PIK3CB: variants seen among roughly 807,000 people sequenced by gnomAD.
PIK3CB encodes phosphatidylinositol 4,5-bisphosphate 3-kinase catalytic subunit beta isoform.
A neutral mutation model predicts 136.8 loss-of-function variants in PIK3CB; 39 were observed. That is an observed-to-expected ratio of 0.29 (90% confidence interval 0.22 to 0.37). PIK3CB has a LOEUF of 0.37. Among genes scored for constraint, PIK3CB ranks in the 10% least tolerant of loss-of-function variants. The pLI is 1.00. For missense variants in PIK3CB, 868 were observed against 1,275.4 expected, an observed-to-expected ratio of 0.68 and a Z score of 4.87; for synonymous variants, 428 against 436.6, an observed-to-expected ratio of 0.98 and a Z score of 0.25.
intron 17 of PIK3CB, 76 bp downstream of exon 17, chr3:138,684,549 C>A: frequency 9.6e-7 from 1 of 1,046,604 alleles, no homozygotes; most frequent in South Asian, 2.0e-5. Flanking sequence ...GACAGCTGGC[C>A]CTACTACTCC....
intron 1 of PIK3CB, among the ~76,000 whole-genome samples, chr3:138,798,887 C>T (rs751513872): frequency 1.2e-4 from 18 of 151,910 alleles, no homozygotes; most frequent in Non-Finnish European, 2.5e-4. Flanking sequence ...GGGTCCGGGT[C>T]AACTTTTTCT....
intron 21 of PIK3CB, among the ~76,000 whole-genome samples, chr3:138,658,662 G>A (rs1236620133): frequency 6.6e-6 from 1 of 152,036 alleles, no homozygotes; most frequent in Non-Finnish European, 1.5e-5. Flanking sequence ...GTACTTTTAT[G>A]CTAACATAAT....
intron 6 of PIK3CB, 37 bp from the exon 7 acceptor site, chr3:138,734,841 T>C (rs762469789): frequency 3.5e-6 from 5 of 1,421,324 alleles, no homozygotes; most frequent in African/African-American, 2.9e-5. Flanking sequence ...TTGATTTTCA[T>C]GCCAACACCT....
chr3:138,827,652 C>G (rs1447805466), intron 1 of PIK3CB, among the ~76,000 whole-genome samples: 1 of 151,810 alleles, frequency 6.6e-6, no homozygotes, highest in Non-Finnish European at 1.5e-5. Context: ...GCACTCCAGC[C>G]TGGGTGACAG....
At chr3:138,738,947 C>T (rs1446102389) in intron 5 of PIK3CB, among the ~76,000 whole-genome samples, 1 of 152,158 alleles carries the variant, frequency 6.6e-6, no homozygotes, top group Non-Finnish European at 1.5e-5. Flanking sequence ...TACTATTTCA[C>T]ATCTATTTTT....
Position 138,684,636 on chromosome 3 carries a change from G to A in PIK3CB, c.2304C>T (p.Leu768=). ...LQSPLNPCVI[L]SELYVEKCKY... ...GCACAGTCACTTACTAGAGTTCTGA[G>A]AGGATAACACATGGGTTCAGGGGTG... The change falls in exon 17 of 24, where the codon CTC becomes CTT. Residue 768 remains leucine, a synonymous_variant. Coordinates refer to ENST00000674063, the MANE Select transcript of PIK3CB (RefSeq NM_006219.3). The A allele has an allele frequency of 6.2e-7, 1 of 1,605,976 alleles. No individual in the cohort carries two copies. The highest frequency in any genetic ancestry group is 2.2e-5 in the East Asian group (1 of 44,540).
At chr3:138,723,006 A>G (rs150738687) in intron 8 of PIK3CB, among the ~76,000 whole-genome samples, 47 of 152,204 alleles carry the variant, frequency 3.1e-4, no homozygotes, top group Middle Eastern at 3.4e-3. Flanking sequence ...GTTAAAAAGA[A>G]ACAAGAGTAG....
At chr3:138,690,374 G>A (rs182590657) in intron 15 of PIK3CB, among the ~76,000 whole-genome samples, 2 of 152,038 alleles carry the variant, frequency 1.3e-5, no homozygotes, top group Admixed American at 1.3e-4. Context: ...AAATGTCTGA[G>A]TACAGAGTCA....
rs767134885 is a variant in PIK3CB, at chr3:138,684,641, T to C, written c.2299A>G (p.Ile767Val). 6.2e-7 allele frequency: 1 copy of C among 1,608,622 alleles called. No individual in the cohort carries two copies. The highest frequency in any genetic ancestry group is 1.1e-5 in the South Asian group (1 of 90,040). ...DLQSPLNPCV[I>V]LSELYVEKCK... ...GTCACTTACTAGAGTTCTGAGAGGATAACACATGGGTTCAGGGGTGACTGC... is the reference window on the plus strand; with the variant it reads ...GTCACTTACTAGAGTTCTGAGAGGACAACACATGGGTTCAGGGGTGACTGC... The change falls in exon 17 of 24, where the codon ATC (isoleucine) becomes GTC (valine). Residue 767 changes from isoleucine (I) to valine (V), a missense_variant. Ile to Val is a conservative substitution (Grantham distance 29, BLOSUM62 3). Around this residue, in one of 4 missense-constraint regions of PIK3CB, gnomAD observed 165 missense variants for 295.4 expected, o/e 0.56. Transcript: ENST00000674063.
intron 4 of PIK3CB, among the ~76,000 whole-genome samples, chr3:138,747,725 A>T (rs2108687816): frequency 6.6e-6 from 1 of 152,260 alleles, no homozygotes; most frequent in East Asian, 1.9e-4. Context: ...TAATTTTTTC[A>T]CTATTTCTAG....
chr3:138,753,551 G>A (rs556692429), intron 4 of PIK3CB, among the ~76,000 whole-genome samples: 1 of 151,110 alleles, frequency 6.6e-6, no homozygotes, highest in Non-Finnish European at 1.5e-5. Flanking sequence ...AAATAAAAAG[G>A]CCAGCACAAT....
chr3:138,817,375 G>T (rs1046369085), intron 1 of PIK3CB, among the ~76,000 whole-genome samples: 1 of 151,942 alleles, frequency 6.6e-6, no homozygotes, highest in Non-Finnish European at 1.5e-5. Flanking sequence ...AATTAGCCGG[G>T]CCTGGTGGCG....
chr3:138,834,378 A>G (rs1417691621), intron 1 of PIK3CB, among the ~76,000 whole-genome samples: 1 of 152,184 alleles, frequency 6.6e-6, no homozygotes, highest in Non-Finnish European at 1.5e-5. Context: ...TCTCCACAGA[A>G]ACGCCCCTCA....
intron 2 of PIK3CB, among the ~76,000 whole-genome samples, chr3:138,795,417 G>A (rs1342887655): frequency 2.6e-5 from 4 of 151,540 alleles, no homozygotes; most frequent in African/African-American, 9.7e-5. Context: ...GATCACCTGA[G>A]GTCAGCAGTT....
intron 11 of PIK3CB, 22 bp downstream of exon 11, chr3:138,707,137 G>T (rs750919952): frequency 7.7e-7 from 1 of 1,304,490 alleles, no homozygotes; most frequent in Non-Finnish European, 1.1e-6. Flanking sequence ...ATGCATAGAG[G>T]TCCTTTAAAT....
At position 138,743,628 on chromosome 3, in the gene PIK3CB, T is replaced by C. The variant is rs138304157; in HGVS notation, c.398-847A>G. 2.5e-3 allele frequency among the ~76,000 whole-genome samples: 380 copies of C among 152,286 alleles called. 3 individuals carry two copies. Among genetic ancestry groups the C allele is most frequent in the African/African-American group, 8.5e-3 (352 of 41,558 alleles). ...CCCAGGCTGGAGTGCAGTGGTGTGATCACGGCTCACTGTAGCCTTCATCTC... is the reference window on the plus strand; with the variant it reads ...CCCAGGCTGGAGTGCAGTGGTGTGACCACGGCTCACTGTAGCCTTCATCTC... On this transcript the variant is annotated intron_variant, in intron 4 of 23. Transcript: ENST00000674063.
At chr3:138,764,627 T>C (rs1289891734) in intron 2 of PIK3CB, among the ~76,000 whole-genome samples, 1 of 152,066 alleles carries the variant, frequency 6.6e-6, no homozygotes, top group Non-Finnish European at 1.5e-5. Context: ...GAATTCATGA[T>C]TGGGCCCCTA....
At chr3:138,698,871 C>G in intron 13 of PIK3CB, 36 bp downstream of exon 13, 1 of 1,390,918 alleles carries the variant, frequency 7.2e-7, no homozygotes, top group Non-Finnish European at 1.0e-6. Context: ...AAGTACCATA[C>G]ACCCAAAAAA....
intron 2 of PIK3CB, among the ~76,000 whole-genome samples, chr3:138,761,618 A>T (rs577041216): frequency 1.3e-5 from 2 of 152,280 alleles, no homozygotes; most frequent in East Asian, 3.9e-4. Context: ...AAAAATACAA[A>T]AATTAGCCAG....
Sources: gnomAD v4.1 joint callset for allele counts (sites outside exome capture counted in the v4.1 genomes callset) on GRCh38, gnomAD v4.1.1 for gene constraint, gnomAD v4.1.1 regional missense constraint, MANE v1.5 for transcripts, NCBI Gene and HGNC (gene_info 2026-07-23, HGNC 2026-07-21) for gene names.